Variants in LPCAT3 observed in about 807,000 individuals in gnomAD.
LPCAT3 encodes lysophosphatidylcholine acyltransferase 3.
Under a neutral mutation model 63.4 loss-of-function variants are expected in LPCAT3, and 21 were observed. The ratio of observed to expected loss-of-function variants is 0.33; its 90% confidence interval spans 0.23 to 0.48. LPCAT3 has a LOEUF of 0.48. Among genes scored for constraint, LPCAT3 ranks in the 20% least tolerant of loss-of-function variants. LPCAT3 has a pLI of 0.99. For missense variants in LPCAT3, 451 were observed against 590.6 expected, an observed-to-expected ratio of 0.76 and a Z score of 2.45; for synonymous variants, 242 against 227.5, an observed-to-expected ratio of 1.06 and a Z score of -0.58.
chr12:7,014,609 G>A (rs782265460), intron 1 of LPCAT3, among the ~76,000 whole-genome samples: 21 of 152,188 alleles, frequency 1.4e-4, no homozygotes, highest in Admixed American at 7.2e-4. Context: ...TCGGCTGGGC[G>A]CGGTGGCTCA....
chr12:7,009,312 C>T (rs149182374), intron 1 of LPCAT3, among the ~76,000 whole-genome samples: 5,415 of 152,262 alleles, frequency 0.036, 328 homozygotes, highest in African/African-American at 0.12. Flanking sequence ...CTGCCTGCCT[C>T]GGCCTCCCAA....
intron 1 of LPCAT3, among the ~76,000 whole-genome samples, chr12:7,013,500 T>C (rs1305175330): frequency 6.6e-6 from 1 of 152,122 alleles, no homozygotes; most frequent in Non-Finnish European, 1.5e-5. Context: ...GCTGTGGTGA[T>C]GGAGAATAGT....
At chr12:6,983,199 T>G (rs1555154365) in intron 2 of LPCAT3, 1 of 470,046 alleles carries the variant, frequency 2.1e-6, no homozygotes, top group Non-Finnish European at 3.9e-6. Context: ...GGATTCTTTG[T>G]TGATGAGGTA....
intron 7 of LPCAT3, 82 bp downstream of exon 7, chr12:6,979,389 C>T (rs1555153774): frequency 1.2e-5 from 12 of 1,022,666 alleles, no homozygotes; most frequent in Non-Finnish European, 1.5e-5. Context: ...TTTCCTACTT[C>T]TCTGCTATCT....
At chr12:6,982,106 A>G (rs2138333349) in intron 3 of LPCAT3, among the ~76,000 whole-genome samples, 1 of 152,066 alleles carries the variant, frequency 6.6e-6, no homozygotes, top group East Asian at 1.9e-4. Flanking sequence ...CTAAACTGAG[A>G]TGAGAATTTA....
At chr12:6,981,555 A>G (rs782770001) in intron 5 of LPCAT3, 40 bp downstream of exon 5, 1 of 1,606,980 alleles carries the variant, frequency 6.2e-7, no homozygotes, top group Admixed American at 1.7e-5. Context: ...CTTCCCTTTC[A>G]TTAAGTCTTG....
rs907245882 is a variant in LPCAT3, at chr12:6,983,460, T to C, written c.231A>G (p.Thr77=). Reference sequence around the variant, plus strand: ...AGTTAAAATAAGCAATTGAGAGGCCTGTAAAGGTATGGAAGAGGTGGATGA... The same window carrying C: ...AGTTAAAATAAGCAATTGAGAGGCCCGTAAAGGTATGGAAGAGGTGGATGA... The part of the protein sequence containing the change: ...TYLIHLFHTF[T]GLSIAYFNFG... The change falls in exon 2 of 13, where the codon ACA becomes ACG. Residue 77 remains threonine, a synonymous_variant. Coordinates refer to ENST00000261407, the MANE Select transcript of LPCAT3 (RefSeq NM_005768.6). 2 of 1,611,328 alleles carry C rather than the reference T, an allele frequency of 1.2e-6. No individual in the cohort carries two copies. The highest frequency in any genetic ancestry group is 1.7e-6 in the Non-Finnish European group (2 of 1,177,820).
rs117996263 is a variant in LPCAT3, at chr12:6,977,424, G to A, written c.1290C>T (p.Leu430=). The A allele has an allele frequency of 6.9e-3, 11,216 of 1,614,192 alleles. 51 individuals carry two copies. The highest frequency in any genetic ancestry group is 7.6e-3 in the Non-Finnish European group (8,945 of 1,180,036). ...AGGCAGTCATGGAGTAACCCATGAAGAGCCAGTGGATGGTCTGTTGCACCA... is the reference window on the plus strand; with the variant it reads ...AGGCAGTCATGGAGTAACCCATGAAAAGCCAGTGGATGGTCTGTTGCACCA... The part of the protein sequence containing the change: ...YYLVQQTIHW[L]FMGYSMTAFC... The change falls in exon 11 of 13, where the codon CTC becomes CTT. Residue 430 remains leucine (L), a synonymous_variant. Transcript: ENST00000261407. This position sits in a 1 kb window ranked among gnomAD's most constrained non-coding sequence, Gnocchi z 4.5.
rs1205433943 is a variant in LPCAT3 at position 6,980,214 on chromosome 12, A to AT, written c.678-636dup. ...AGGCATGTACCACCTTGCCTGGATA[A>AT]TTTTTTTTTGTAGAGATGGGGTCTC... On this transcript the variant is annotated intron_variant, in intron 6 of 12. Transcript: ENST00000261407. Among the ~76,000 whole-genome samples the AT allele has an allele frequency of 4.7e-5, 7 of 150,258 alleles. No individual in the cohort carries two copies. The East Asian group carries it at 5.9e-4, about 13-fold the overall frequency.
intron 1 of LPCAT3, among the ~76,000 whole-genome samples, chr12:6,988,790 C>A (rs1555155089): frequency 6.6e-6 from 1 of 152,110 alleles, no homozygotes; most frequent in East Asian, 1.9e-4. Flanking sequence ...TGATGCCTTA[C>A]CTTTATTAGC....
intron 6 of LPCAT3, chr12:6,980,777 C>T (rs1946462489): frequency 2.7e-6 from 1 of 374,856 alleles, no homozygotes; most frequent in Non-Finnish European, 4.7e-6. Flanking sequence ...AATCCTGTGG[C>T]ATAAATGTGG....
chr12:7,001,239 G>A (rs1235322990), intron 1 of LPCAT3, among the ~76,000 whole-genome samples: 1 of 152,050 alleles, frequency 6.6e-6, no homozygotes, highest in Non-Finnish European at 1.5e-5. Flanking sequence ...CCAAGGCTCT[G>A]GGGGGTGGGG....
intron 2 of LPCAT3, chr12:6,982,984 T>G (rs1267331951): frequency 3.1e-6 from 2 of 641,612 alleles, no homozygotes; most frequent in African/African-American, 1.8e-5. Flanking sequence ...TCTTTTCTTT[T>G]TTTGTTTGTT....
intron 5 of LPCAT3, 62 bp from the exon 6 acceptor site, chr12:6,981,244 T>G: frequency 7.3e-7 from 1 of 1,373,876 alleles, no homozygotes; most frequent in Non-Finnish European, 1.0e-6. Flanking sequence ...AGAGCCACTT[T>G]GAGTGTTCCC....
Position 7,001,493 on chromosome 12 carries a change from A to G in LPCAT3, c.151+16781T>C, listed in dbSNP as rs187371554. ...GGCTTCATCCAAGGTGTTCCTAATAATAGGCAGAGTCCCCAGATTAGTTCC... is the reference window on the plus strand; with the variant it reads ...GGCTTCATCCAAGGTGTTCCTAATAGTAGGCAGAGTCCCCAGATTAGTTCC... On this transcript the variant is annotated intron_variant, in intron 1 of 12. Transcript: ENST00000261407. The G allele has an allele frequency of 3.3e-3, 1,494 of 456,124 alleles. 5 individuals are homozygous for G. The highest frequency in any genetic ancestry group is 5.3e-3 in the Non-Finnish European group (1,203 of 226,786). The allele number at this position is 456,124 out of a possible 1,614,324, so 28.3% of individuals were successfully genotyped here. A position where few individuals can be genotyped will look rare whatever the true frequency, so the allele number is the denominator to read the frequency against.
At chr12:7,016,667 A>G (rs782217296) in intron 1 of LPCAT3, among the ~76,000 whole-genome samples, 1 of 152,360 alleles carries the variant, frequency 6.6e-6, no homozygotes, top group Non-Finnish European at 1.5e-5. Flanking sequence ...GATTATAAGC[A>G]TAAGCCGCTG....
intron 1 of LPCAT3, among the ~76,000 whole-genome samples, chr12:6,985,300 G>C (rs1447542423): frequency 1.4e-4 from 22 of 152,044 alleles, no homozygotes; most frequent in Admixed American, 1.4e-3. Context: ...GGAGGCTGAG[G>C]CAGGAGAATG....
intron 1 of LPCAT3, among the ~76,000 whole-genome samples, chr12:7,007,493 CTT>C (rs1161030834): frequency 1.6e-4 from 19 of 121,632 alleles, no homozygotes; most frequent in African/African-American, 2.7e-4. Context: ...TTGACAAAAG[CTT>C]TTTTTTTTTT....
intron 1 of LPCAT3, among the ~76,000 whole-genome samples, chr12:6,989,577 C>T (rs1472157230): frequency 6.6e-6 from 1 of 152,070 alleles, no homozygotes; most frequent in Non-Finnish European, 1.5e-5. Flanking sequence ...GGATTACAAG[C>T]GTGAGTCACC....
Sources: allele counts gnomAD v4.1 joint callset (sites outside exome capture counted in the v4.1 genomes callset), GRCh38; gene constraint gnomAD v4.1.1; non-coding constraint Gnocchi (gnomAD v3.1); transcripts MANE v1.5; gene names NCBI Gene and HGNC (gene_info 2026-07-23, HGNC 2026-07-21).